PLCE1: variants seen among roughly 807,000 people sequenced by gnomAD.
PLCE1 encodes phospholipase C epsilon 1.
Under a neutral mutation model 242.8 loss-of-function variants are expected in PLCE1, and 119 were observed. That is an observed-to-expected ratio of 0.49 (90% CI 0.42 to 0.57). The LOEUF is 0.57. Ranked by LOEUF, PLCE1 falls within the 20% of genes least tolerant of loss-of-function variation. The pLI is 0.00. For missense variants in PLCE1, 2,441 were observed against 2,788.8 expected, an observed-to-expected ratio of 0.88 and a Z score of 2.81; for synonymous variants, 945 against 1,017.4, an observed-to-expected ratio of 0.93 and a Z score of 1.35.
At chr10:94,063,753 C>A (rs1200319435) in intron 2 of PLCE1, among the ~76,000 whole-genome samples, 1 of 152,076 alleles carries the variant, frequency 6.6e-6, no homozygotes, top group Admixed American at 6.6e-5. Context: ...GAAAAAAGTG[C>A]AGGATTTTAT....
intron 3 of PLCE1, among the ~76,000 whole-genome samples, chr10:94,164,261 C>T (rs1350236412): frequency 2.0e-5 from 3 of 152,166 alleles, no homozygotes; most frequent in Non-Finnish European, 4.4e-5. Flanking sequence ...CAGCTTGGTT[C>T]CATTCTCCCC....
chr10:94,162,762 A>G (rs2047659558), intron 3 of PLCE1, among the ~76,000 whole-genome samples: 1 of 152,142 alleles, frequency 6.6e-6, no homozygotes, highest in Non-Finnish European at 1.5e-5. Context: ...TGTCAATTTT[A>G]GATCTTTCCT....
intron 2 of PLCE1, among the ~76,000 whole-genome samples, chr10:94,077,663 G>C (rs114410266): frequency 3.7e-4 from 56 of 152,276 alleles, no homozygotes; most frequent in African/African-American, 1.3e-3. Context: ...AGCTACTCCG[G>C]AGGCTGAGGC....
chr10:94,316,362 C>T (rs531439571), intron 28 of PLCE1, among the ~76,000 whole-genome samples, 185 bp from the exon 29 acceptor site: 1 of 152,164 alleles, frequency 6.6e-6, no homozygotes, highest in Non-Finnish European at 1.5e-5. Flanking sequence ...TGCCGTTGCC[C>T]GGAGTGAACA....
chr10:94,130,920 C>T lies in PLCE1; in HGVS notation c.1207-1254C>T, dbSNP rs114765454. Among the ~76,000 whole-genome samples, 362 of 152,314 alleles carry T rather than the reference C, an allele frequency of 2.4e-3. 1 individual carries two copies. Among genetic ancestry groups the T allele is most frequent in the African/African-American group, 8.3e-3 (346 of 41,568 alleles). On this transcript the variant is annotated intron_variant, in intron 2 of 32. Transcript: ENST00000371380. ...CAGTGAGAGTCTTCTACTCCCTGGC[C>T]ATTCGTCAGTGTCACCGAAGGAGGT...
chr10:94,260,065 A>G (rs1027862386), intron 13 of PLCE1, among the ~76,000 whole-genome samples: 2 of 152,108 alleles, frequency 1.3e-5, no homozygotes, highest in Admixed American at 6.5e-5. Flanking sequence ...ACAATTCAAG[A>G]TGAAATTTGG....
chr10:94,327,094 G>A (rs867195405), intron 32 of PLCE1, among the ~76,000 whole-genome samples: 2 of 151,014 alleles, frequency 1.3e-5, no homozygotes, highest in African/African-American at 4.9e-5. Context: ...CCCGGGAGAC[G>A]GAGGTTGCAG....
chr10:94,130,501 G>A (rs1258983391), intron 2 of PLCE1, among the ~76,000 whole-genome samples: 11 of 152,110 alleles, frequency 7.2e-5, no homozygotes, highest in African/African-American at 2.7e-4. Context: ...TACAGAGGAG[G>A]GAGCTGTCTT....
chr10:94,046,254 T>C (rs1276250431), intron 2 of PLCE1, among the ~76,000 whole-genome samples: 1 of 152,206 alleles, frequency 6.6e-6, no homozygotes, highest in Non-Finnish European at 1.5e-5. Context: ...CTTCAAAGCA[T>C]ACAGAGCAGC....
At chr10:94,188,998 T>TA (rs904632569) in intron 4 of PLCE1, among the ~76,000 whole-genome samples, 4,290 of 73,762 alleles carry the variant, frequency 0.058, 111 homozygotes, top group Non-Finnish European at 0.09. Flanking sequence ...TAGGAGAAAG[T>TA]AAAAAAAAAA....
At chr10:94,028,255 C>T (rs2061489940) in intron 1 of PLCE1, among the ~76,000 whole-genome samples, 1 of 152,180 alleles carries the variant, frequency 6.6e-6, no homozygotes, top group Admixed American at 6.5e-5. Context: ...CATGTGGTTG[C>T]AGTCAAGATA....
intron 1 of PLCE1, among the ~76,000 whole-genome samples, chr10:94,010,856 C>G (rs1465447605): frequency 6.6e-6 from 1 of 152,198 alleles, no homozygotes; most frequent in African/African-American, 2.4e-5. Flanking sequence ...GCCCATATTT[C>G]TATCAGTATT....
chr10:94,243,714 T>G (rs933484196), intron 7 of PLCE1, among the ~76,000 whole-genome samples: 3 of 152,230 alleles, frequency 2.0e-5, no homozygotes, highest in African/African-American at 7.2e-5. Flanking sequence ...CCTTCTGAAT[T>G]ATTACCAGCC....
chr10:94,010,581 G>A (rs906021511), intron 1 of PLCE1, among the ~76,000 whole-genome samples: 3 of 152,150 alleles, frequency 2.0e-5, no homozygotes, highest in African/African-American at 4.8e-5. Context: ...ATAAGAGTTC[G>A]AACTTTAAGT....
At chr10:93,995,861 T>C (rs1385052954) in intron 1 of PLCE1, among the ~76,000 whole-genome samples, 4 of 152,230 alleles carry the variant, frequency 2.6e-5, no homozygotes, top group Non-Finnish European at 5.9e-5. Flanking sequence ...GGTTAGAAGC[T>C]AGATTCCAAT....
Position 94,082,454 on chromosome 10 carries a change from G to C in PLCE1, c.1207-49720G>C, listed in dbSNP as rs190174182. Among the ~76,000 whole-genome samples the C allele has an allele frequency of 2.6e-5, 4 of 152,276 alleles. No individual in the cohort carries two copies. In the East Asian group the frequency reaches 7.7e-4, roughly 29 times the overall value. Reference sequence around the variant, plus strand: ...TGCTCCCGGGACTGGAGAGAAGCTTGTGCTTTGGTCCCCAGGGAGGGGCCC... The same window carrying C: ...TGCTCCCGGGACTGGAGAGAAGCTTCTGCTTTGGTCCCCAGGGAGGGGCCC... On this transcript the variant is annotated intron_variant, in intron 2 of 32. Coordinates refer to ENST00000371380, the MANE Select transcript of PLCE1 (RefSeq NM_016341.4).
At chr10:94,152,183 C>T (rs1216249291) in intron 3 of PLCE1, among the ~76,000 whole-genome samples, 1 of 152,004 alleles carries the variant, frequency 6.6e-6, no homozygotes, top group African/African-American at 2.4e-5. Context: ...AACTAAAGAG[C>T]TCCTGGACAG....
chr10:94,012,901 C>G (rs953245770), intron 1 of PLCE1, among the ~76,000 whole-genome samples: 1 of 152,190 alleles, frequency 6.6e-6, no homozygotes, highest in Non-Finnish European at 1.5e-5. Flanking sequence ...ATCAGTCACT[C>G]TAGAAAGCCT....
chr10:94,219,556 G>A (rs1444982815), intron 4 of PLCE1, among the ~76,000 whole-genome samples: 3 of 152,154 alleles, frequency 2.0e-5, no homozygotes, highest in African/African-American at 4.8e-5. Flanking sequence ...TAGTTGGCTG[G>A]TGTAGGTCAT....
Sources: allele counts gnomAD v4.1 joint callset (sites outside exome capture counted in the v4.1 genomes callset), GRCh38; gene constraint gnomAD v4.1.1; transcripts MANE v1.5; gene names NCBI Gene and HGNC (gene_info 2026-07-23, HGNC 2026-07-21).